The following EYS variants were observed in gnomAD, a reference collection of about 807,000 sequenced individuals.
EYS encodes protein eyes shut homolog.
In EYS, 250 loss-of-function variants were observed where a neutral mutation model predicts 282.1. The ratio of observed to expected loss-of-function variants is 0.89; its 90% confidence interval spans 0.80 to 0.98. The LOEUF (loss-of-function observed/expected upper bound fraction) is 0.98. Ranked by LOEUF, EYS falls within the 50% of genes least tolerant of loss-of-function variation. The pLI, the probability that EYS is intolerant of heterozygous loss-of-function variation, is 0.00. For missense variants in EYS, 4,016 were observed against 3,709.0 expected (o/e 1.08, Z -2.15); for synonymous variants, 1,355 against 1,282.9 (o/e 1.06, Z -1.20).
chr6:64,774,149 A>G (rs1485031791), intron 22 of EYS, among the ~76,000 whole-genome samples: 1 of 151,924 alleles, frequency 6.6e-6, no homozygotes, highest in Non-Finnish European at 1.5e-5. Flanking sequence ...TAAATACACA[A>G]AAACTCTAGA....
Position 64,822,782 on chromosome 6 carries a change from C to T in EYS, c.3033G>A (p.Glu1011=). 1.3e-6 allele frequency: 2 copies of T among 1,549,894 alleles called. No individual in the cohort carries two copies. Among genetic ancestry groups the T allele is most frequent in the Non-Finnish European group, 1.7e-6 (2 of 1,145,914 alleles). The change falls in exon 20 of 43, where the codon GAG becomes GAA. Residue 1011 remains glutamate (E), a synonymous_variant. Coordinates refer to ENST00000503581, the MANE Select transcript of EYS (RefSeq NM_001142800.2). ...CEINLDECLS[E]PCLHDGVCID... ...TACAAACTCCATCATGGAGACAGGGCTCTGATAGGCATTCATCTAGATTTA... is the reference window on the plus strand; with the variant it reads ...TACAAACTCCATCATGGAGACAGGGTTCTGATAGGCATTCATCTAGATTTA...
intron 28 of EYS, among the ~76,000 whole-genome samples, chr6:64,409,745 G>A (rs1773825803): frequency 6.6e-6 from 1 of 152,112 alleles, no homozygotes; most frequent in South Asian, 2.1e-4. Context: ...TTTGTTCAGG[G>A]AAGCTAGTAA....
At chr6:64,864,330 A>G (rs1200399580) in intron 19 of EYS, among the ~76,000 whole-genome samples, 1 of 149,582 alleles carries the variant, frequency 6.7e-6, no homozygotes, top group East Asian at 2.0e-4. Flanking sequence ...AAGTTGGCAC[A>G]AGTGCTATTG....
intron 2 of EYS, among the ~76,000 whole-genome samples, chr6:65,637,641 G>T (rs1266737173): frequency 6.6e-6 from 1 of 152,164 alleles, no homozygotes; most frequent in African/African-American, 2.4e-5. Context: ...CTGCTCCCTG[G>T]CCTCTCCCCA....
intron 31 of EYS, among the ~76,000 whole-genome samples, chr6:64,164,575 T>C (rs1214524672): frequency 6.6e-6 from 1 of 152,114 alleles, no homozygotes; most frequent in African/African-American, 2.4e-5. Context: ...CATGTTGATA[T>C]TGTTCACCAG....
At chr6:64,901,918 C>A (rs1767678793) in intron 18 of EYS, among the ~76,000 whole-genome samples, 195 bp downstream of exon 18, 1 of 152,050 alleles carries the variant, frequency 6.6e-6, no homozygotes, top group East Asian at 1.9e-4. Flanking sequence ...TATAAACTAA[C>A]AGTAAGATTG....
chr6:64,224,282 A>G (rs946205802), intron 31 of EYS, among the ~76,000 whole-genome samples: 1 of 151,926 alleles, frequency 6.6e-6, no homozygotes, highest in African/African-American at 2.4e-5. Flanking sequence ...TGTTGTAATT[A>G]TTTCTCAATT....
chr6:65,217,713 C>T (rs781173730), intron 12 of EYS, among the ~76,000 whole-genome samples: 9 of 151,894 alleles, frequency 5.9e-5, no homozygotes, highest in East Asian at 1.9e-4. Context: ...GAAATGCAAA[C>T]GATCTTTATG....
intron 1 of EYS, among the ~76,000 whole-genome samples, chr6:65,647,063 C>T (rs369482074): frequency 5.3e-5 from 8 of 152,128 alleles, no homozygotes; most frequent in African/African-American, 1.9e-4. Context: ...TGGGTAGAAT[C>T]GAAATCATGA....
At chr6:63,945,214 G>T (rs562764362) in intron 35 of EYS, among the ~76,000 whole-genome samples, 1 of 152,046 alleles carries the variant, frequency 6.6e-6, no homozygotes, top group South Asian at 2.1e-4. Flanking sequence ...TTACATTCAC[G>T]GTGGAAGGGG....
chr6:65,267,489 T>A (rs1767789188), intron 12 of EYS, among the ~76,000 whole-genome samples: 1 of 151,996 alleles, frequency 6.6e-6, no homozygotes, highest in Non-Finnish European at 1.5e-5. Context: ...GTCCAACCAG[T>A]GTTTTCCATG....
At chr6:65,104,896 C>A (rs1026005704) in intron 12 of EYS, among the ~76,000 whole-genome samples, 1 of 151,388 alleles carries the variant, frequency 6.6e-6, no homozygotes, top group Non-Finnish European at 1.5e-5. Context: ...AAATATTTAG[C>A]TTTCAATGCC....
At chr6:64,103,098 A>C (rs1487697267) in intron 31 of EYS, among the ~76,000 whole-genome samples, 1 of 152,170 alleles carries the variant, frequency 6.6e-6, no homozygotes, top group Non-Finnish European at 1.5e-5. Context: ...AAACAGTTTA[A>C]AGCCTGGATG....
At chr6:64,117,427 T>C (rs1181959465) in intron 31 of EYS, among the ~76,000 whole-genome samples, 1 of 146,934 alleles carries the variant, frequency 6.8e-6, no homozygotes, top group Admixed American at 6.9e-5. Flanking sequence ...AAACTAAGAG[T>C]TGGTTTTTTA....
At chr6:65,206,503 G>T (rs1766038599) in intron 12 of EYS, among the ~76,000 whole-genome samples, 1 of 151,628 alleles carries the variant, frequency 6.6e-6, no homozygotes, top group South Asian at 2.1e-4. Flanking sequence ...CCAAAAATTT[G>T]GGAAGGGATT....
chr6:64,595,264 C>T (rs1332671433), intron 24 of EYS, among the ~76,000 whole-genome samples: 1 of 151,976 alleles, frequency 6.6e-6, no homozygotes, highest in South Asian at 2.1e-4. Flanking sequence ...AAAGTCTCAA[C>T]AAATTTGGCA....
At chr6:64,510,197 G>C (rs534003874) in intron 26 of EYS, among the ~76,000 whole-genome samples, 5 of 152,090 alleles carry the variant, frequency 3.3e-5, no homozygotes, top group African/African-American at 1.2e-4. Flanking sequence ...TTCATGGACA[G>C]GCTATTTTTG....
chr6:65,580,822 A>G (rs1371034683), intron 2 of EYS, among the ~76,000 whole-genome samples: 1 of 152,044 alleles, frequency 6.6e-6, no homozygotes, highest in African/African-American at 2.4e-5. Context: ...TCATCCTAAA[A>G]CTTCAAGTGT....
chr6:64,550,334 C>G (rs1765032492), intron 26 of EYS, among the ~76,000 whole-genome samples: 1 of 152,188 alleles, frequency 6.6e-6, no homozygotes, highest in Non-Finnish European at 1.5e-5. Context: ...AATGGTTGAA[C>G]TTGTTTACAG....
Sources: allele counts gnomAD v4.1 joint callset (sites outside exome capture counted in the v4.1 genomes callset), GRCh38; gene constraint gnomAD v4.1.1; transcripts MANE v1.5; gene names NCBI Gene and HGNC (gene_info 2026-07-23, HGNC 2026-07-21).